The following LDLRAD3 variants were observed in gnomAD, a reference collection of about 807,000 sequenced individuals.
LDLRAD3 encodes low density lipoprotein receptor class A domain containing 3, also known as low-density lipoprotein receptor class A domain-containing protein 3.
In LDLRAD3, 20 loss-of-function variants were observed where a neutral mutation model predicts 29.4. The ratio of observed to expected loss-of-function variants is 0.68; its 90% confidence interval spans 0.48 to 0.99. The LOEUF (loss-of-function observed/expected upper bound fraction) is 0.99, where lower values mean the gene tolerates loss of function less well. Among genes scored for constraint, LDLRAD3 ranks in the 50% least tolerant of loss-of-function variants. The pLI is 0.00. For missense variants in LDLRAD3, 420 were observed against 454.3 expected, an observed-to-expected ratio of 0.92 and a Z score of 0.69; for synonymous variants, 157 against 192.7, an observed-to-expected ratio of 0.81 and a Z score of 1.53.
chr11:36,166,378 G>A (rs1428276039), intron 4 of LDLRAD3, among the ~76,000 whole-genome samples: 2 of 152,288 alleles, frequency 1.3e-5, no homozygotes, highest in African/African-American at 4.8e-5. Context: ...ATGGAAGGGG[G>A]AAAGGTGACC....
chr11:36,166,836 C>T (rs1854523039), intron 4 of LDLRAD3, among the ~76,000 whole-genome samples: 1 of 152,302 alleles, frequency 6.6e-6, no homozygotes, highest in African/African-American at 2.4e-5. Context: ...GAATGCATGT[C>T]TGTCAAATTC....
intron 1 of LDLRAD3, among the ~76,000 whole-genome samples, chr11:35,984,551 C>G (rs1320918137): frequency 1.3e-5 from 2 of 152,234 alleles, no homozygotes; most frequent in Non-Finnish European, 2.9e-5. Flanking sequence ...GGGGTGAGCT[C>G]TTTGGTTCTG....
intron 2 of LDLRAD3, among the ~76,000 whole-genome samples, chr11:36,040,564 G>A (rs1481957469): frequency 6.6e-6 from 1 of 152,076 alleles, no homozygotes; most frequent in African/African-American, 2.4e-5. Context: ...CTATAATATG[G>A]TTTATTTACA....
chr11:36,064,287 G>C (rs189261054), intron 2 of LDLRAD3, among the ~76,000 whole-genome samples: 31 of 152,004 alleles, frequency 2.0e-4, no homozygotes, highest in Admixed American at 1.4e-3. Context: ...AAACTTGTTC[G>C]TTAGTTCTAA....
intron 4 of LDLRAD3, among the ~76,000 whole-genome samples, chr11:36,117,946 G>A (rs1030673954): frequency 6.6e-5 from 10 of 152,372 alleles, no homozygotes; most frequent in African/African-American, 2.4e-4. Context: ...GCATCAAGGT[G>A]TGTTTGGAGC....
chr11:36,098,945 A>G (rs1055747943), intron 4 of LDLRAD3, among the ~76,000 whole-genome samples: 1 of 151,306 alleles, frequency 6.6e-6, no homozygotes, highest in African/African-American at 2.4e-5. Flanking sequence ...TGTCAGTTTT[A>G]CTGTGCTATC....
intron 4 of LDLRAD3, among the ~76,000 whole-genome samples, chr11:36,199,541 T>G (rs17740588): frequency 0.026 from 3,990 of 151,942 alleles, 79 homozygotes; most frequent in Middle Eastern, 0.054. Context: ...TATATAATGT[T>G]AGGAGTAGCA....
At chr11:36,142,527 G>A (rs1326979974) in intron 4 of LDLRAD3, among the ~76,000 whole-genome samples, 3 of 152,192 alleles carry the variant, frequency 2.0e-5, no homozygotes, top group South Asian at 2.1e-4. Context: ...TTTAGTCTGA[G>A]TGGAAGAGGA....
At chr11:36,035,676 T>A (rs190082499) in intron 1 of LDLRAD3, among the ~76,000 whole-genome samples, 1 of 152,166 alleles carries the variant, frequency 6.6e-6, no homozygotes, top group Non-Finnish European at 1.5e-5. Flanking sequence ...GATTCTGTGA[T>A]TGTAAGGGCT....
chr11:35,950,244 G>T (rs985902637), intron 1 of LDLRAD3, among the ~76,000 whole-genome samples: 1 of 152,186 alleles, frequency 6.6e-6, no homozygotes, highest in Admixed American at 6.5e-5. Context: ...TGGGAACACA[G>T]AGCCGTGAAG....
intron 4 of LDLRAD3, chr11:36,196,173 T>C (rs953202656): frequency 3.9e-5 from 6 of 152,222 alleles, no homozygotes; most frequent in African/African-American, 7.2e-5. Flanking sequence ...TACTGAGTTA[T>C]CTAATATCTT....
chr11:35,968,081 G>A (rs750207547), intron 1 of LDLRAD3: 211 of 453,088 alleles, frequency 4.7e-4, no homozygotes, highest in Non-Finnish European at 1.2e-4. Context: ...CTTTTTTATA[G>A]TAGGAAGCCA....
chr11:36,177,651 GA>G (rs1242694569), intron 4 of LDLRAD3, among the ~76,000 whole-genome samples: 3 of 152,218 alleles, frequency 2.0e-5, no homozygotes, highest in Non-Finnish European at 4.4e-5. Context: ...TGCCTGCAGA[GA>G]GTCAAAGAGT....
intron 2 of LDLRAD3, among the ~76,000 whole-genome samples, chr11:36,061,134 G>A (rs1852692020): frequency 1.3e-5 from 2 of 152,148 alleles, no homozygotes; most frequent in South Asian, 4.2e-4. Context: ...CGGTAAAGAT[G>A]AGGAAATCTT....
At chr11:36,095,325 C>A (rs577941245) in intron 3 of LDLRAD3, among the ~76,000 whole-genome samples, 1 of 152,356 alleles carries the variant, frequency 6.6e-6, no homozygotes, top group African/African-American at 2.4e-5. Flanking sequence ...CCACTTGTAA[C>A]TTATGAGACT....
At chr11:36,012,345 A>T (rs745428024) in intron 1 of LDLRAD3, among the ~76,000 whole-genome samples, 2 of 152,206 alleles carry the variant, frequency 1.3e-5, no homozygotes, top group Admixed American at 6.5e-5. Flanking sequence ...ACAATTTCAC[A>T]GATAGAAAAT....
At chr11:36,098,597 G>A in intron 4 of LDLRAD3, 136 bp downstream of exon 4, 2 of 978,724 alleles carry the variant, frequency 2.0e-6, no homozygotes, top group Non-Finnish European at 3.0e-6. Flanking sequence ...CAGCCTTGCA[G>A]CCCTTGTACA....
intron 2 of LDLRAD3, among the ~76,000 whole-genome samples, chr11:36,036,863 C>A (rs1852311502): frequency 6.6e-6 from 1 of 152,138 alleles, no homozygotes; most frequent in Admixed American, 6.5e-5. Context: ...TCCTTCCCAC[C>A]CCACCTCCTT....
At chr11:35,969,079 A>G (rs1470213799) in intron 1 of LDLRAD3, among the ~76,000 whole-genome samples, 2 of 152,110 alleles carry the variant, frequency 1.3e-5, no homozygotes, top group Non-Finnish European at 2.9e-5. Context: ...ACTGGGGGGC[A>G]CTTCCCCCTC....
Sources: allele counts gnomAD v4.1 joint callset (sites outside exome capture counted in the v4.1 genomes callset), GRCh38; gene constraint gnomAD v4.1.1; transcripts MANE v1.5; gene names NCBI Gene and HGNC (gene_info 2026-07-23, HGNC 2026-07-21).